Variants in STXBP6 observed in about 807,000 individuals in gnomAD.
STXBP6 encodes the protein syntaxin-binding protein 6.
In STXBP6, 21 loss-of-function variants were observed where a neutral mutation model predicts 26.9. The ratio of observed to expected loss-of-function variants is 0.78; its 90% CI spans 0.55 to 1.12. The LOEUF (loss-of-function observed/expected upper bound fraction) is 1.12. Ranked by LOEUF, STXBP6 falls within the 50% of genes most tolerant of loss-of-function variation. The probability of loss-of-function intolerance (pLI) is 0.00; values close to 1 mark genes in which losing one functional copy is unlikely to be tolerated. For synonymous variants in STXBP6, 97 were observed against 92.6 expected, an observed-to-expected ratio of 1.05 and a Z score of -0.27; for missense variants, 232 against 257.9, an observed-to-expected ratio of 0.90 and a Z score of 0.69.
chr14:24,903,598 A>G (rs2071288450), intron 2 of STXBP6, among the ~76,000 whole-genome samples: 1 of 152,180 alleles, frequency 6.6e-6, no homozygotes. Flanking sequence ...AATGCCTAAC[A>G]GTTCACATAG....
At chr14:24,910,361 T>TA (rs2071528183) in intron 2 of STXBP6, among the ~76,000 whole-genome samples, 1 of 152,244 alleles carries the variant, frequency 6.6e-6, no homozygotes, top group East Asian at 1.9e-4. Context: ...CAAATTTCAT[T>TA]AAAGCCAGAG....
In STXBP6 at chr14:24,974,743, T is replaced by C; in HGVS notation, c.76A>G (p.Lys26Glu). The C allele has an allele frequency of 6.3e-7, 1 of 1,599,874 alleles. No individual in the cohort carries two copies. The highest frequency in any genetic ancestry group is 8.5e-7 in the Non-Finnish European group (1 of 1,171,570). Residue 26 changes from lysine to glutamate, a missense_variant, in exon 2 of 6, where the codon AAG becomes GAG. Lys to Glu is a moderately conservative substitution (Grantham distance 56). Coordinates refer to ENST00000323944, the MANE Select transcript of STXBP6 (RefSeq NM_001394410.1). ...DERMLGAVQV[K>E]RRTKKKIPFL... ...GGAATCTTTTTCTTTGTCCTCCTCT[T>C]GACTTGGACAGCTCCCAGCATCCTT...
intron 2 of STXBP6, among the ~76,000 whole-genome samples, chr14:24,952,186 T>C (rs1183730885): frequency 1.3e-5 from 2 of 151,464 alleles, no homozygotes; most frequent in African/African-American, 2.4e-5. Flanking sequence ...TACTGTTACA[T>C]ATTTGTAATT....
At chr14:25,042,086 G>A (rs2075652613) in intron 1 of STXBP6, among the ~76,000 whole-genome samples, 1 of 152,138 alleles carries the variant, frequency 6.6e-6, no homozygotes, top group Non-Finnish European at 1.5e-5. Context: ...GAAGAAAGAG[G>A]ATCCATCAAC....
Position 24,857,066 on chromosome 14 carries a change from G to A in STXBP6, c.246C>T (p.Leu82=), listed in dbSNP as rs374634547. The change falls in exon 3 of 6, where the codon CTC becomes CTT. Residue 82 remains leucine (L), a synonymous_variant. Coordinates refer to ENST00000323944, the MANE Select transcript of STXBP6 (RefSeq NM_001394410.1). ...TSFVRRSQWM[L]EQLRQVNGID... ...TACCATTAACCTGGCGAAGCTGCTC[G>A]AGCATCCACTGTGATCTCCGAACAA... 8.1e-6 allele frequency: 13 copies of A among 1,612,868 alleles called. No homozygotes were observed. Among genetic ancestry groups the A allele is most frequent in the Non-Finnish European group, 9.3e-6 (11 of 1,179,232 alleles).
intron 1 of STXBP6, among the ~76,000 whole-genome samples, chr14:24,992,173 A>G (rs1474156426): frequency 3.3e-5 from 5 of 152,218 alleles, no homozygotes; most frequent in African/African-American, 1.2e-4. Context: ...GCATGTCTTC[A>G]ATGCATAGAT....
At chr14:24,893,198 C>T (rs779466877) in intron 2 of STXBP6, among the ~76,000 whole-genome samples, 2 of 152,200 alleles carry the variant, frequency 1.3e-5, no homozygotes, top group African/African-American at 4.8e-5. Flanking sequence ...ACTAGCCTTT[C>T]GTATGAACAA....
chr14:24,941,316 G>C (rs1053890860), intron 2 of STXBP6, among the ~76,000 whole-genome samples: 1 of 152,184 alleles, frequency 6.6e-6, no homozygotes, highest in African/African-American at 2.4e-5. Flanking sequence ...CCATGATAGG[G>C]ATGCATGAGG....
At chr14:25,041,088 G>A (rs1194924868) in intron 1 of STXBP6, among the ~76,000 whole-genome samples, 1 of 152,150 alleles carries the variant, frequency 6.6e-6, no homozygotes, top group African/African-American at 2.4e-5. Context: ...TTGGGAGGCC[G>A]AGGTGGGTGG....
intron 2 of STXBP6, among the ~76,000 whole-genome samples, chr14:24,936,058 T>C (rs532652740): frequency 3.2e-4 from 49 of 152,358 alleles, no homozygotes; most frequent in Admixed American, 6.5e-4. Flanking sequence ...GAACCAGATG[T>C]CTTTGAACTT....
At chr14:24,982,101 C>T (rs1370743437) in intron 1 of STXBP6, among the ~76,000 whole-genome samples, 3 of 152,210 alleles carry the variant, frequency 2.0e-5, no homozygotes, top group Non-Finnish European at 2.9e-5. Flanking sequence ...GGACAGTCTT[C>T]GTACTCCACT....
intron 1 of STXBP6, among the ~76,000 whole-genome samples, chr14:25,039,279 A>G (rs959657754): frequency 6.6e-6 from 1 of 152,230 alleles, no homozygotes; most frequent in African/African-American, 2.4e-5. Flanking sequence ...TTCAACTCAA[A>G]CAGGAAGTTA....
chr14:25,029,339 C>T (rs2075407585), intron 1 of STXBP6, among the ~76,000 whole-genome samples: 2 of 152,130 alleles, frequency 1.3e-5, no homozygotes, highest in Admixed American at 6.5e-5. Flanking sequence ...CAGTCATCCA[C>T]GTTGAGGCAA....
At position 24,912,902 on chromosome 14, in the gene STXBP6, T is replaced by C. The variant is rs575479172; in HGVS notation, c.155-55745A>G. On this transcript the variant is annotated intron_variant, in intron 2 of 5. Coordinates refer to ENST00000323944, the MANE Select transcript of STXBP6 (RefSeq NM_001394410.1). ...TTACTAAAACACTGGTCTAAATAGA[T>C]TGAAAATTTAAAAACAGGAACTCCA... 4.6e-5 allele frequency among the ~76,000 whole-genome samples: 7 copies of C among 152,280 alleles called. 1 individual carries two copies. The South Asian group carries it at 1.2e-3, about 27-fold the overall frequency.
intron 2 of STXBP6, among the ~76,000 whole-genome samples, chr14:24,931,168 T>C (rs1193692832): frequency 9.9e-6 from 1 of 101,468 alleles, no homozygotes; most frequent in Non-Finnish European, 1.9e-5. Flanking sequence ...TTCTCACTCA[T>C]AGGTGGGAAC....
At position 24,931,117 on chromosome 14, in the gene STXBP6, C is replaced by CAAA. The variant is rs749625860; in HGVS notation, c.154+43545_154+43547dup. On this transcript the variant is annotated intron_variant, in intron 2 of 5. Coordinates refer to ENST00000323944, the MANE Select transcript of STXBP6 (RefSeq NM_001394410.1). ...TGGGCGACAGAGCGAGACTCCGTCT[C>CAAA]AAAAAAAAAAAAAAAAAAAAAAAAA... Among the ~76,000 whole-genome samples the CAAA allele has an allele frequency of 1.6e-3, 38 of 23,258 alleles. 1 individual carries two copies. The highest frequency in any genetic ancestry group is 4.1e-3 in the African/African-American group (26 of 6,368). The allele number at this position is 23,258 out of a possible 152,430, so 15.3% of individuals were successfully genotyped here. A position where few individuals can be genotyped will look rare whatever the true frequency, so the allele number is the denominator to read the frequency against.
At chr14:24,997,895 AT>A (rs1270239878) in intron 1 of STXBP6, among the ~76,000 whole-genome samples, 1 of 152,130 alleles carries the variant, frequency 6.6e-6, no homozygotes, top group Non-Finnish European at 1.5e-5. Flanking sequence ...GAGAGAACAT[AT>A]CCTATTTTTA....
intron 2 of STXBP6, among the ~76,000 whole-genome samples, chr14:24,955,528 C>T (rs2073314133): frequency 6.6e-6 from 1 of 152,214 alleles, no homozygotes; most frequent in South Asian, 2.1e-4. Flanking sequence ...CCCTAGCCAA[C>T]ATAAGGGCTC....
In STXBP6 at chr14:24,935,359, G is replaced by A. The variant is rs150307179; in HGVS notation, c.154+39306C>T. On this transcript the variant is annotated intron_variant, in intron 2 of 5. Transcript: ENST00000323944. ...GCTAGAAAATAAAGTTGAGAGTGAA[G>A]TTAAGAGAAGTGTCAAAACAAACAA... 2.7e-3 allele frequency among the ~76,000 whole-genome samples: 405 copies of A among 152,246 alleles called. 1 individual carries two copies. The highest frequency in any genetic ancestry group is 4.6e-3 in the Non-Finnish European group (311 of 68,002).
Sources: allele counts gnomAD v4.1 joint callset (sites outside exome capture counted in the v4.1 genomes callset), GRCh38; gene constraint gnomAD v4.1.1; transcripts MANE v1.5; gene names NCBI Gene and HGNC (gene_info 2026-07-23, HGNC 2026-07-21).